The following PCSK2 variants were observed in gnomAD, a reference collection of about 807,000 sequenced individuals.
PCSK2 encodes neuroendocrine convertase 2.
In PCSK2, 14 loss-of-function variants were observed where a neutral mutation model predicts 69.7. The observed-to-expected ratio is 0.20, with a 90% CI of 0.13 to 0.31. The LOEUF (loss-of-function observed/expected upper bound fraction) is 0.31. Among genes scored for constraint, PCSK2 ranks in the 10% least tolerant of loss-of-function variants. PCSK2 has a pLI of 1.00. For synonymous variants in PCSK2, 307 were observed against 320.7 expected (o/e 0.96, Z 0.46); for missense variants, 544 against 842.5 (o/e 0.65, Z 4.39).
At chr20:17,387,948 G>T (rs1179123236) in intron 5 of PCSK2, among the ~76,000 whole-genome samples, 2 of 152,166 alleles carry the variant, frequency 1.3e-5, no homozygotes, top group Non-Finnish European at 2.9e-5. Context: ...ACCAGATCTG[G>T]GCTGCCAGTT....
At chr20:17,247,660 C>A (rs1414780305) in intron 1 of PCSK2, among the ~76,000 whole-genome samples, 1 of 152,220 alleles carries the variant, frequency 6.6e-6, no homozygotes, top group East Asian at 1.9e-4. Flanking sequence ...AAGCAGTAGA[C>A]TCTCCTGAGA....
At chr20:17,386,345 C>T (rs2031232848) in intron 5 of PCSK2, among the ~76,000 whole-genome samples, 1 of 152,138 alleles carries the variant, frequency 6.6e-6, no homozygotes, top group Admixed American at 6.5e-5. Flanking sequence ...ACCCAAATAT[C>T]AATCAATCAA....
chr20:17,384,738 G>A (rs913669322), intron 5 of PCSK2, among the ~76,000 whole-genome samples: 1 of 152,132 alleles, frequency 6.6e-6, no homozygotes, highest in Non-Finnish European at 1.5e-5. Context: ...TTTGAGACCA[G>A]CCTGAGTAAC....
Position 17,227,461 on chromosome 20 carries a change from A to G in PCSK2, c.156A>G (p.Glu52=), listed in dbSNP as rs764230292. 5.6e-6 allele frequency: 9 copies of G among 1,614,000 alleles called. No homozygotes were observed. Among genetic ancestry groups the G allele is most frequent in the Non-Finnish European group, 7.6e-6 (9 of 1,179,954 alleles). The change falls in exon 1 of 12, where the codon GAA becomes GAG. Residue 52 remains glutamate (E), a synonymous_variant. Coordinates refer to ENST00000262545, the MANE Select transcript of PCSK2 (RefSeq NM_002594.5). ...ACAAAGCTCGCCAAGTTGCAGCAGAACACGGCTTTGGAGTCCGAAAGGTAA... is the reference window on the plus strand; with the variant it reads ...ACAAAGCTCGCCAAGTTGCAGCAGAGCACGGCTTTGGAGTCCGAAAGGTAA... ...GEDKARQVAA[E]HGFGVRKLPF... is the part of the protein sequence containing the mutation.
intron 2 of PCSK2, among the ~76,000 whole-genome samples, chr20:17,340,870 C>G (rs1020205622): frequency 1.3e-5 from 2 of 152,192 alleles, no homozygotes; most frequent in African/African-American, 2.4e-5. Context: ...AGACTCACTG[C>G]TGGGTTGTCC....
At chr20:17,301,657 G>C (rs1371217141) in intron 2 of PCSK2, among the ~76,000 whole-genome samples, 1 of 152,018 alleles carries the variant, frequency 6.6e-6, no homozygotes, top group Non-Finnish European at 1.5e-5. Context: ...TTATGACCAG[G>C]CACGGTGGCT....
At chr20:17,473,210 CA>C (rs1406814212) in intron 11 of PCSK2, among the ~76,000 whole-genome samples, 1 of 151,304 alleles carries the variant, frequency 6.6e-6, no homozygotes, top group Non-Finnish European at 1.5e-5. Flanking sequence ...TCTCCTGCCT[CA>C]GCCTCCTGAG....
chr20:17,348,050 G>GGAAAGAAAGAAA (rs200387593), intron 2 of PCSK2, among the ~76,000 whole-genome samples: 882 of 86,788 alleles, frequency 0.01, 7 homozygotes, highest in East Asian at 0.012. Context: ...AAGAAAGAAA[G>GGAAAGAAAGAAA]GAAAGAAAGA....
chr20:17,432,523 T>C (rs1600575234), intron 7 of PCSK2, among the ~76,000 whole-genome samples: 2 of 152,236 alleles, frequency 1.3e-5, no homozygotes, highest in Admixed American at 6.5e-5. Context: ...ATGCCTTTAT[T>C]CAAGTAACTG....
At chr20:17,316,831 G>A (rs1989704534) in intron 2 of PCSK2, among the ~76,000 whole-genome samples, 1 of 152,026 alleles carries the variant, frequency 6.6e-6, no homozygotes, top group African/African-American at 2.4e-5. Context: ...ATTTCCTGTG[G>A]CATTATAAGA....
intron 1 of PCSK2, among the ~76,000 whole-genome samples, chr20:17,248,175 G>GGGGTGTGT (rs1555781250): frequency 1.4e-5 from 2 of 144,372 alleles, no homozygotes; most frequent in African/African-American, 5.2e-5. Flanking sequence ...TATAAAAAAG[G>GGGGTGTGT]GTGTGTGTGT....
chr20:17,327,933 C>T (rs1031182690), intron 2 of PCSK2, among the ~76,000 whole-genome samples: 1 of 152,114 alleles, frequency 6.6e-6, no homozygotes, highest in Non-Finnish European at 1.5e-5. Context: ...GTAAATCATG[C>T]TTTTATACAC....
intron 3 of PCSK2, among the ~76,000 whole-genome samples, chr20:17,358,658 G>T (rs542068310): frequency 6.6e-6 from 1 of 152,262 alleles, no homozygotes; most frequent in South Asian, 2.1e-4. Flanking sequence ...TGTCTCCTAG[G>T]GTGGAGGCTA....
intron 7 of PCSK2, among the ~76,000 whole-genome samples, chr20:17,432,214 A>C (rs755366651): frequency 2.6e-5 from 4 of 152,130 alleles, no homozygotes; most frequent in Admixed American, 2.6e-4. Flanking sequence ...TCATTTTTCC[A>C]TCAAGGCTCC....
At chr20:17,359,945 G>A (rs1009349581) in intron 3 of PCSK2, among the ~76,000 whole-genome samples, 2 of 152,064 alleles carry the variant, frequency 1.3e-5, no homozygotes, top group South Asian at 2.1e-4. Context: ...GGGGCCTTAG[G>A]ATTTATTTTT....
At chr20:17,321,116 A>C (rs1284364358) in intron 2 of PCSK2, among the ~76,000 whole-genome samples, 1 of 152,174 alleles carries the variant, frequency 6.6e-6, no homozygotes, top group Admixed American at 6.5e-5. Context: ...TTTCAACATT[A>C]TTCACCCAAG....
intron 2 of PCSK2, among the ~76,000 whole-genome samples, chr20:17,325,590 C>A (rs894708786): frequency 6.6e-6 from 1 of 152,234 alleles, no homozygotes; most frequent in Non-Finnish European, 1.5e-5. Context: ...ACAAATGTAA[C>A]AAGTGTCTCC....
At chr20:17,343,977 C>T (rs763812970) in intron 2 of PCSK2, among the ~76,000 whole-genome samples, 1 of 152,192 alleles carries the variant, frequency 6.6e-6, no homozygotes, top group Admixed American at 6.5e-5. Flanking sequence ...AAGTCGGTGG[C>T]CATCTGTTAC....
intron 11 of PCSK2, among the ~76,000 whole-genome samples, chr20:17,470,686 G>C (rs2033184235): frequency 6.6e-6 from 1 of 152,202 alleles, no homozygotes; most frequent in African/African-American, 2.4e-5. Context: ...GGCATCCCTA[G>C]TCTTAATTTA....
Sources: gnomAD v4.1 joint callset for allele counts (sites outside exome capture counted in the v4.1 genomes callset) on GRCh38, gnomAD v4.1.1 for gene constraint, MANE v1.5 for transcripts, NCBI Gene and HGNC (gene_info 2026-07-23, HGNC 2026-07-21) for gene names.